Variants in CYB5R3 observed in about 807,000 individuals in gnomAD.
The protein encoded by CYB5R3 is cytochrome b5 reductase 3, also known as NADH-cytochrome b5 reductase 3.
CYB5R3 carries 28 observed loss-of-function variants against 36.5 expected under a neutral mutation model. The ratio of observed to expected loss-of-function variants is 0.77; its 90% CI spans 0.57 to 1.05. The LOEUF is 1.05. Among genes scored for constraint, CYB5R3 ranks in the 50% least tolerant of loss-of-function variants. The pLI is 0.00. For missense variants in CYB5R3, 474 were observed against 408.9 expected (o/e 1.16, Z -1.37); for synonymous variants, 181 against 159.8 (o/e 1.13, Z -1.00).
intron 1 of CYB5R3, among the ~76,000 whole-genome samples, chr22:42,642,396 A>C (rs764141604): frequency 6.6e-6 from 1 of 152,068 alleles, no homozygotes; most frequent in Non-Finnish European, 1.5e-5. Context: ...TGCAGGTATA[A>C]GCCCCTGCGT....
At chr22:42,637,344 C>CTTAAAGACCTT (rs1928952958) in intron 1 of CYB5R3, among the ~76,000 whole-genome samples, 1 of 152,146 alleles carries the variant, frequency 6.6e-6, no homozygotes, top group Admixed American at 6.5e-5. Context: ...CTACACTGAC[C>CTTAAAGACCTT]AAATGGCTCT....
At chr22:42,625,215 T>C (rs1022761510) in intron 7 of CYB5R3, among the ~76,000 whole-genome samples, 2 of 152,208 alleles carry the variant, frequency 1.3e-5, no homozygotes, top group African/African-American at 4.8e-5. Flanking sequence ...TATGTGTAAC[T>C]TTCTTTTTAG....
Position 42,619,948 on chromosome 22 carries a change from G to T in CYB5R3, c.734-3C>A. The T allele has an allele frequency of 2.5e-6, 4 of 1,594,270 alleles. No individual in the cohort carries two copies. Among genetic ancestry groups the T allele is most frequent in the Non-Finnish European group, 3.4e-6 (4 of 1,169,920 alleles). ...GAAGCCCTGGCCGTAGTCCCAGGCT[G>T]TGGGGTGAGAGACCAGGTAAGCTGA... On this transcript the variant is annotated splice_region_variant and splice_polypyrimidine_tract_variant and intron_variant, in intron 8 of 8. Coordinates refer to ENST00000352397, the MANE Select transcript of CYB5R3 (RefSeq NM_000398.7).
chr22:42,631,257 G>A (rs958214339), intron 3 of CYB5R3, 121 bp downstream of exon 3: 11 of 1,056,930 alleles, frequency 1.0e-5, no homozygotes, highest in East Asian at 2.6e-5. Context: ...CAGGGCAGCT[G>A]TCACCTCCTC....
intron 4 of CYB5R3, among the ~76,000 whole-genome samples, chr22:42,630,121 A>G (rs1928529516): frequency 6.6e-6 from 1 of 152,114 alleles, no homozygotes; most frequent in South Asian, 2.1e-4. Flanking sequence ...TAATTTTCAT[A>G]AAAACGTCCC....
chr22:42,628,297 G>A lies in CYB5R3; in HGVS notation c.334-16C>T, dbSNP rs752178786. On this transcript the variant is annotated splice_polypyrimidine_tract_variant and intron_variant, in intron 4 of 8. Coordinates refer to ENST00000352397, the MANE Select transcript of CYB5R3 (RefSeq NM_000398.7). ...TGAAGTAAACCTGCAAGACACCCCC[G>A]CAGCCCTCAGTCCCCAGCTCCAGGT... 2.9e-5 allele frequency: 47 copies of A among 1,612,724 alleles called. No homozygotes were observed. The highest frequency in any genetic ancestry group is 1.5e-4 in the Admixed American group (9 of 59,996).
chr22:42,633,447 T>A (rs1309035678), intron 2 of CYB5R3: 1 of 152,040 alleles, frequency 6.6e-6, no homozygotes, highest in Non-Finnish European at 1.5e-5. Flanking sequence ...CCTTACAGAG[T>A]TTTTGCTGTG....
intron 7 of CYB5R3, among the ~76,000 whole-genome samples, chr22:42,626,687 C>T (rs6002826): frequency 6.6e-6 from 1 of 152,176 alleles, no homozygotes; most frequent in Non-Finnish European, 1.5e-5. Flanking sequence ...AGCATCTTCT[C>T]CCCCAAATCT....
rs576315008 is a variant in CYB5R3, at chr22:42,646,684, G to A, written c.21+2611C>T. ...CCAGCGGTCCTGCCAGAATCTGAGC[G>A]GCACCTCCCTCCTGGTCCTGTTCTA... On this transcript the variant is annotated intron_variant, in intron 1 of 8. Coordinates refer to ENST00000352397, the MANE Select transcript of CYB5R3 (RefSeq NM_000398.7). 3.6e-5 allele frequency: 35 copies of A among 985,624 alleles called. No individual in the cohort carries two copies. In the East Asian group the frequency reaches 5.7e-4, roughly 16 times the overall value. 61.1% of individuals were successfully genotyped at this position (985,624 alleles called of 1,614,324 possible).
chr22:42,630,221 T>C (rs559604858), intron 4 of CYB5R3, among the ~76,000 whole-genome samples: 2 of 152,310 alleles, frequency 1.3e-5, no homozygotes, highest in African/African-American at 2.4e-5. Flanking sequence ...CATCTTCTCC[T>C]GTGAACCTCC....
At chr22:42,641,263 A>C (rs1054370208) in intron 1 of CYB5R3, among the ~76,000 whole-genome samples, 5 of 152,188 alleles carry the variant, frequency 3.3e-5, no homozygotes, top group Admixed American at 2.6e-4. Flanking sequence ...TCTAGTCAAT[A>C]GTATATTAGT....
intron 8 of CYB5R3, among the ~76,000 whole-genome samples, chr22:42,623,451 C>T (rs1181143453): frequency 1.3e-5 from 2 of 152,230 alleles, no homozygotes; most frequent in Non-Finnish European, 1.5e-5. Flanking sequence ...AAGCAGCAGC[C>T]GCCACCGCTG....
intron 8 of CYB5R3, among the ~76,000 whole-genome samples, chr22:42,620,977 G>A (rs1365174371): frequency 6.6e-6 from 1 of 152,062 alleles, no homozygotes; most frequent in Non-Finnish European, 1.5e-5. Context: ...TTCCATTTGT[G>A]CCACTCTGAC....
chr22:42,640,390 T>C (rs1929192507), intron 1 of CYB5R3: 1 of 508,030 alleles, frequency 2.0e-6, no homozygotes, highest in South Asian at 8.9e-5. Context: ...TATTTATTTA[T>C]TTATTTGAGA....
intron 5 of CYB5R3, 110 bp downstream of exon 5, chr22:42,628,040 CGA>C: frequency 6.8e-7 from 1 of 1,460,216 alleles, no homozygotes; most frequent in East Asian, 2.3e-5. Context: ...GCTGGCCTGA[CGA>C]GAGTCACCCA....
rs563810519 is a variant in CYB5R3, at chr22:42,631,126, C to T, written c.227-138G>A. The T allele has an allele frequency of 6.7e-5, 58 of 865,818 alleles. No homozygotes were observed. In the East Asian group the frequency reaches 1.1e-3, roughly 16 times the overall value. The allele number at this position is 865,818 out of a possible 1,614,324, so 53.6% of individuals were successfully genotyped here. On this transcript the variant is annotated intron_variant, in intron 3 of 8. Transcript: ENST00000352397. ...TCAGCTCCCACGGCCCCCTCCCACC[C>T]CTCCCGGGGATTCCCCTCACGTCCC...
Position 42,627,669 on chromosome 22 carries a change from A to C in CYB5R3, c.483T>G (p.Pro161=). 2 of 1,614,026 alleles carry C rather than the reference A, an allele frequency of 1.2e-6. No individual in the cohort carries two copies. The change falls in exon 6 of 9, where the codon CCT becomes CCG. Residue 161 remains proline (P), a synonymous_variant. Transcript: ENST00000352397. ...YQGKGKFAIR[P]DKKSNPIIRT... ...TGATGATAGGGTTGGACTTTTTGTCAGGTCGGATGGCGAACTTCCCTGGGG... is the reference window on the plus strand; with the variant it reads ...TGATGATAGGGTTGGACTTTTTGTCCGGTCGGATGGCGAACTTCCCTGGGG...
At position 42,630,991 on chromosome 22, in the gene CYB5R3, G is replaced by A. The variant is rs1928586076; in HGVS notation, c.227-3C>T. ...AGCCGAGAGGTAGATGTGCTGGCCT[G>A]CAGGACAGAACGGGGTCACTCTGGG... is the stretch of plus-strand genomic sequence containing the variant. On this transcript the variant is annotated splice_region_variant and splice_polypyrimidine_tract_variant and intron_variant, in intron 3 of 8. Coordinates refer to ENST00000352397, the MANE Select transcript of CYB5R3 (RefSeq NM_000398.7). 2 of 1,613,056 alleles carry A rather than the reference G, an allele frequency of 1.2e-6. No individual in the cohort carries two copies. Among genetic ancestry groups the A allele is most frequent in the African/African-American group, 1.3e-5 (1 of 74,908 alleles).
At chr22:42,640,176 G>A (rs980646700) in intron 1 of CYB5R3, 2 of 1,612,518 alleles carry the variant, frequency 1.2e-6, no homozygotes, top group African/African-American at 1.3e-5. Context: ...CAACCGTGGT[G>A]TAGTACCAAA....
Sources: gnomAD v4.1 joint callset for allele counts (sites outside exome capture counted in the v4.1 genomes callset) on GRCh38, gnomAD v4.1.1 for gene constraint, MANE v1.5 for transcripts, NCBI Gene and HGNC (gene_info 2026-07-23, HGNC 2026-07-21) for gene names.